Variants in GFRAL observed in about 807,000 individuals in gnomAD.
GFRAL encodes the protein GDNF family receptor alpha-like.
Under a neutral mutation model 45.4 loss-of-function variants are expected in GFRAL, and 36 were observed. That is an observed-to-expected ratio of 0.79 (90% CI 0.61 to 1.05). The LOEUF is 1.05. Ranked by LOEUF, GFRAL falls within the 50% of genes least tolerant of loss-of-function variation. The pLI, the probability that GFRAL is intolerant of heterozygous loss-of-function variation, is 0.00. For synonymous variants in GFRAL, 166 were observed against 154.1 expected, an observed-to-expected ratio of 1.08 and a Z score of -0.57; for missense variants, 507 against 467.5, an observed-to-expected ratio of 1.08 and a Z score of -0.78.
intron 6 of GFRAL, among the ~76,000 whole-genome samples, chr6:55,387,474 G>A (rs1442531644): frequency 6.6e-6 from 1 of 152,138 alleles, no homozygotes. Flanking sequence ...AAGTATTCTT[G>A]TGACAACAAT....
At chr6:55,358,193 T>A (rs2127357021) in intron 5 of GFRAL, among the ~76,000 whole-genome samples, 1 of 152,054 alleles carries the variant, frequency 6.6e-6, no homozygotes, top group South Asian at 2.1e-4. Flanking sequence ...CTTTCATACA[T>A]GTTTGATGTC....
intron 6 of GFRAL, among the ~76,000 whole-genome samples, chr6:55,396,945 T>A (rs1768833440): frequency 6.6e-6 from 1 of 150,932 alleles, no homozygotes; most frequent in Non-Finnish European, 1.5e-5. Context: ...AGTGGCTTGA[T>A]CACAGCTACG....
chr6:55,395,173 A>ATATATAT (rs35935725), intron 6 of GFRAL, among the ~76,000 whole-genome samples: 72 of 103,552 alleles, frequency 7.0e-4, no homozygotes, highest in African/African-American at 3.3e-3. Context: ...AAAAAAAAAA[A>ATATATAT]AAATATATAT....
rs994705891 is a variant in GFRAL at position 55,367,683 on chromosome 6, T to C, written c.952+8545T>C. Among the ~76,000 whole-genome samples the C allele has an allele frequency of 4.7e-5, 7 of 149,126 alleles. No homozygotes were observed. In the East Asian group the frequency reaches 1.4e-3, roughly 29 times the overall value. ...ATTTGCTTGTCTGTAAAGTATTTTA[T>C]TTCTTCTTCACTTATGAAGCTTAGT... On this transcript the variant is annotated intron_variant, in intron 6 of 8. Transcript: ENST00000340465.
chr6:55,385,856 G>T (rs1388691003), intron 6 of GFRAL, among the ~76,000 whole-genome samples: 1 of 151,980 alleles, frequency 6.6e-6, no homozygotes, highest in Non-Finnish European at 1.5e-5. Flanking sequence ...TAGAGCTCAG[G>T]TTTCTCACAT....
intron 8 of GFRAL, 141 bp from the exon 9 acceptor site, chr6:55,401,649 T>A: frequency 1.6e-6 from 1 of 628,246 alleles, no homozygotes; most frequent in Non-Finnish European, 2.8e-6. Flanking sequence ...TATGATATTT[T>A]ACTATTGGGA....
At chr6:55,395,175 A>AAAATATATATATATATATATATATATAT in intron 6 of GFRAL, among the ~76,000 whole-genome samples, 5 of 123,482 alleles carry the variant, frequency 4.0e-5, no homozygotes, top group African/African-American at 1.7e-4. Context: ...AAAAAAAAAA[A>AAAATATATATATATATATATATATATAT]ATATATATAT....
At chr6:55,334,026 A>T in intron 3 of GFRAL, 82 bp downstream of exon 3, 1 of 838,666 alleles carries the variant, frequency 1.2e-6, no homozygotes, top group Non-Finnish European at 1.8e-6. Flanking sequence ...ATGTAATGTG[A>T]TTAATGTTTT....
Position 55,359,166 on chromosome 6 carries a change from C to T in GFRAL, c.952+28C>T, listed in dbSNP as rs771278992. The T allele has an allele frequency of 6.8e-5, 103 of 1,518,528 alleles. No individual in the cohort carries two copies. In the African/African-American group the frequency reaches 1.3e-3, roughly 19 times the overall value. 94.1% of individuals were successfully genotyped at this position (1,518,528 alleles called of 1,614,324 possible). A position where few individuals can be genotyped will look rare whatever the true frequency, so the allele number is the denominator to read the frequency against. On this transcript the variant is annotated intron_variant, in intron 6 of 8. Coordinates refer to ENST00000340465, the MANE Select transcript of GFRAL (RefSeq NM_207410.2). ...AAGTTCCCCAAATAAAATTATCTGT[C>T]TATCTATCTATCTATCTATCATCTA...
intron 6 of GFRAL, among the ~76,000 whole-genome samples, chr6:55,369,199 G>A (rs926629117): frequency 2.6e-5 from 4 of 151,884 alleles, no homozygotes; most frequent in African/African-American, 9.7e-5. Context: ...GGAGTGACCC[G>A]ATTTTCCAGG....
In GFRAL at chr6:55,346,921, T is replaced by A. The variant is rs1309835376; in HGVS notation, c.317-3171T>A. On this transcript the variant is annotated intron_variant, in intron 3 of 8. Coordinates refer to ENST00000340465, the MANE Select transcript of GFRAL (RefSeq NM_207410.2). ...TGAACATTAACATTATGTGGTTCTATAACCTGTAATATTGGTGGTAATTAA... is the reference window on the plus strand; with the variant it reads ...TGAACATTAACATTATGTGGTTCTAAAACCTGTAATATTGGTGGTAATTAA... Among the ~76,000 whole-genome samples, 4 of 149,332 alleles carry A rather than the reference T, an allele frequency of 2.7e-5. No individual in the cohort carries two copies. The Admixed American group carries it at 2.7e-4, about 10-fold the overall frequency.
At chr6:55,354,879 G>A (rs1038305706) in intron 5 of GFRAL, among the ~76,000 whole-genome samples, 1 of 151,662 alleles carries the variant, frequency 6.6e-6, no homozygotes, top group African/African-American at 2.4e-5. Flanking sequence ...TTTTTTAACT[G>A]CCAAAGAGAA....
intron 6 of GFRAL, 26 bp downstream of exon 6, chr6:55,359,164 G>GTCTA (rs60419272): frequency 0.37 from 500,165 of 1,369,046 alleles, 97,102 homozygotes; most frequent in Non-Finnish European, 0.39. Context: ...AAAATTATCT[G>GTCTA]TCTATCTATC....
intron 6 of GFRAL, among the ~76,000 whole-genome samples, chr6:55,359,752 A>G (rs758771824): frequency 1.3e-5 from 2 of 152,038 alleles, no homozygotes; most frequent in Non-Finnish European, 2.9e-5. Flanking sequence ...CCTAATGGCT[A>G]AACCCCATTG....
At chr6:55,382,965 T>A (rs562631242) in intron 6 of GFRAL, among the ~76,000 whole-genome samples, 5 of 152,164 alleles carry the variant, frequency 3.3e-5, no homozygotes, top group South Asian at 4.1e-4. Context: ...TGAATAATTA[T>A]GATGTTAAAC....
chr6:55,366,144 C>T (rs896975901), intron 6 of GFRAL, among the ~76,000 whole-genome samples: 3 of 151,930 alleles, frequency 2.0e-5, no homozygotes, highest in African/African-American at 7.3e-5. Flanking sequence ...TTCAGAGATT[C>T]AACATCTTCC....
chr6:55,335,088 A>C (rs550959152), intron 3 of GFRAL, among the ~76,000 whole-genome samples: 1 of 152,334 alleles, frequency 6.6e-6, no homozygotes, highest in African/African-American at 2.4e-5. Flanking sequence ...AAAAGCTTCT[A>C]AACTGTAATT....
At chr6:55,368,473 C>T (rs1316312014) in intron 6 of GFRAL, among the ~76,000 whole-genome samples, 2 of 152,084 alleles carry the variant, frequency 1.3e-5, no homozygotes, top group African/African-American at 2.4e-5. Flanking sequence ...AGCTTTGTTC[C>T]GTTGCTGGTG....
In GFRAL at chr6:55,357,157, G is replaced by A. The variant is rs368001952; in HGVS notation, c.702-1731G>A. Among the ~76,000 whole-genome samples, 9 of 151,966 alleles carry A rather than the reference G, an allele frequency of 5.9e-5. No homozygotes were observed. In the East Asian group the frequency reaches 1.4e-3, roughly 23 times the overall value. On this transcript the variant is annotated intron_variant, in intron 5 of 8. Transcript: ENST00000340465. ...ATCTGCGTGCTGAGGAGAATAATGT[G>A]TATTCTTCAGCTATTGTATGAAATG...
Sources: allele counts gnomAD v4.1 joint callset (sites outside exome capture counted in the v4.1 genomes callset), GRCh38; gene constraint gnomAD v4.1.1; transcripts MANE v1.5; gene names NCBI Gene and HGNC (gene_info 2026-07-23, HGNC 2026-07-21).